Variants in EEF1E1 observed in about 807,000 individuals in gnomAD.
The protein encoded by EEF1E1 is eukaryotic translation elongation factor 1 epsilon-1.
EEF1E1 carries 19 observed loss-of-function variants against 19.9 expected under a neutral mutation model. That is an observed-to-expected ratio of 0.95 (90% CI 0.66 to 1.40). The LOEUF (loss-of-function observed/expected upper bound fraction) is 1.40, where lower values mean the gene tolerates loss of function less well. Ranked by LOEUF, EEF1E1 falls within the 40% of genes most tolerant of loss-of-function variation. The probability of loss-of-function intolerance (pLI) is 0.00; values close to 1 mark genes in which losing one functional copy is unlikely to be tolerated. For missense variants in EEF1E1, 198 were observed against 202.2 expected (o/e 0.98, Z 0.13); for synonymous variants, 81 against 80.0 (o/e 1.01, Z -0.07).
chr6:8,087,997 G>A (rs887512604), intron 3 of EEF1E1, among the ~76,000 whole-genome samples: 1 of 152,186 alleles, frequency 6.6e-6, no homozygotes, highest in Non-Finnish European at 1.5e-5. Flanking sequence ...GGGCCAAAGT[G>A]TCTGGTTTCT....
downstream of EEF1E1, among the ~76,000 whole-genome samples, chr6:8,078,078 G>C (rs1757640343): frequency 6.6e-6 from 1 of 152,188 alleles, no homozygotes; most frequent in Admixed American, 6.5e-5. Flanking sequence ...CACCCAGCCA[G>C]CACTTTTAAT....
At chr6:8,095,929 C>T (rs1327568243) in intron 2 of EEF1E1, among the ~76,000 whole-genome samples, 1 of 152,184 alleles carries the variant, frequency 6.6e-6, no homozygotes, top group Non-Finnish European at 1.5e-5. Context: ...TAATGCACCA[C>T]CAGCCCTTAG....
rs3031799 is a variant in EEF1E1, at chr6:8,099,791, C to CAAAAA, written c.88-2329_88-2325dup. Among the ~76,000 whole-genome samples the CAAAAA allele has an allele frequency of 3.7e-4, 43 of 114,682 alleles. 3 individuals are homozygous for CAAAAA. Among genetic ancestry groups the CAAAAA allele is most frequent in the African/African-American group, 4.3e-4 (13 of 30,144 alleles). 75.2% of individuals were successfully genotyped at this position (114,682 alleles called of 152,430 possible). On this transcript the variant is annotated intron_variant, in intron 1 of 3. Transcript: ENST00000379715. ...ACACACACACACACACACACACACA[C>CAAAAA]AAAAAAAAAACAGAACCCTCTATAA...
chr6:8,083,734 G>A (rs926079937), intron 3 of EEF1E1, among the ~76,000 whole-genome samples: 3 of 152,180 alleles, frequency 2.0e-5, no homozygotes, highest in South Asian at 2.1e-4. Context: ...TACATATTCC[G>A]TATTGAATAA....
At position 8,102,418 on chromosome 6, in the gene EEF1E1, C is replaced by A; in HGVS notation, c.87+17G>T. On this transcript the variant is annotated intron_variant, in intron 1 of 3. Transcript: ENST00000379715. ...TCCCGTCCACCTCTTCCCCTCCGCG[C>A]CGCCTCTCCTTCTCACCTGTCGCTC... The A allele has an allele frequency of 6.2e-7, 1 of 1,607,200 alleles. No homozygotes were observed. The highest frequency in any genetic ancestry group is 8.5e-7 in the Non-Finnish European group (1 of 1,177,904).
At chr6:8,100,196 G>T (rs1452915738) in intron 1 of EEF1E1, among the ~76,000 whole-genome samples, 1 of 152,162 alleles carries the variant, frequency 6.6e-6, no homozygotes, top group Non-Finnish European at 1.5e-5. Context: ...ACTGTAATTT[G>T]GGGTTTACCT....
rs577827919 is a variant in EEF1E1, at chr6:8,100,767, C to A, written c.87+1668G>T. ...TCTCTAATAAATCTGCTTTTCTTTA[C>A]GTACAGCTGTCCTGGTAAATTCTTA... is the stretch of plus-strand genomic sequence containing the variant. On this transcript the variant is annotated intron_variant, in intron 1 of 3. Transcript: ENST00000379715. Among the ~76,000 whole-genome samples the A allele has an allele frequency of 1.3e-5, 2 of 151,830 alleles. 1 individual carries two copies. Among genetic ancestry groups the A allele is most frequent in the African/African-American group, 4.8e-5 (2 of 41,362 alleles).
chr6:8,095,227 G>A (rs1483586725), intron 2 of EEF1E1, among the ~76,000 whole-genome samples: 2 of 152,170 alleles, frequency 1.3e-5, no homozygotes, highest in Non-Finnish European at 2.9e-5. Flanking sequence ...CTGGCCAGGC[G>A]AGGTGACTCA....
intron 2 of EEF1E1, among the ~76,000 whole-genome samples, chr6:8,091,675 C>T (rs1477625676): frequency 6.6e-6 from 1 of 152,178 alleles, no homozygotes; most frequent in Non-Finnish European, 1.5e-5. Context: ...CAGGAATTTA[C>T]ATTGAATTAT....
chr6:8,079,931 C>A lies in EEF1E1; in HGVS notation c.484G>T (p.Val162Phe). 1 of 1,613,130 alleles carries A rather than the reference C, an allele frequency of 6.2e-7. No homozygotes were observed. The highest frequency in any genetic ancestry group is 1.1e-5 in the South Asian group (1 of 91,038). ...YPGIRQHLSS[V>F]VFIKNRLYTN... ...TATAGTCTGTTCTTGATGAAGACAACACTAGACAGATGTTGCCTGATGCCT... is the reference window on the plus strand; with the variant it reads ...TATAGTCTGTTCTTGATGAAGACAAAACTAGACAGATGTTGCCTGATGCCT... Residue 162 changes from valine (V) to phenylalanine (F), a missense_variant, in exon 4 of 4, where the codon GTT (valine) becomes TTT (phenylalanine). Coordinates refer to ENST00000379715, the MANE Select transcript of EEF1E1 (RefSeq NM_004280.5).
intron 1 of EEF1E1, 30 bp from the exon 2 acceptor site, chr6:8,097,497 T>C (rs1758207074): frequency 1.3e-6 from 2 of 1,578,360 alleles, no homozygotes; most frequent in African/African-American, 2.7e-5. Flanking sequence ...TCACAGAATT[T>C]AAAAAACAAG....
downstream of EEF1E1, chr6:8,078,733 T>C: frequency 3.9e-6 from 5 of 1,285,552 alleles, no homozygotes; most frequent in South Asian, 6.2e-5. Context: ...AAAACAATCA[T>C]GATTTGCCTG....
intron 3 of EEF1E1, chr6:8,089,954 T>C (rs1030762741): frequency 3.8e-5 from 15 of 393,848 alleles, no homozygotes; most frequent in Non-Finnish European, 6.3e-5. Flanking sequence ...AATGCAAATC[T>C]GATTTAAATT....
chr6:8,082,891 T>G (rs564666892), intron 3 of EEF1E1, among the ~76,000 whole-genome samples: 2 of 152,318 alleles, frequency 1.3e-5, no homozygotes, highest in East Asian at 3.9e-4. Flanking sequence ...CTCACCAAAT[T>G]TACAGATTTT....
At chr6:8,076,786 A>C (rs1361245870), downstream of EEF1E1, among the ~76,000 whole-genome samples, 1 of 152,162 alleles carries the variant, frequency 6.6e-6, no homozygotes, top group Non-Finnish European at 1.5e-5. Context: ...GTCATTGAGC[A>C]GTAATATTTT....
rs1758393511 is a variant in EEF1E1, at chr6:8,102,441, C to T, written c.81G>A (p.Glu27=). 22 of 1,611,024 alleles carry T rather than the reference C, an allele frequency of 1.4e-5. No individual in the cohort carries two copies. The highest frequency in any genetic ancestry group is 1.9e-5 in the Non-Finnish European group (22 of 1,179,348). ...SKGNKYSAQG[E]RQIPVLQTNN... is the part of the protein sequence containing the mutation. Reference sequence around the variant, plus strand: ...CGCCGCCTCTCCTTCTCACCTGTCGCTCGCCCTGAGCACTGTATTTATTCC... The same window carrying T: ...CGCCGCCTCTCCTTCTCACCTGTCGTTCGCCCTGAGCACTGTATTTATTCC... Residue 27 remains glutamate, a synonymous_variant, in exon 1 of 4, where the codon GAG becomes GAA. Transcript: ENST00000379715.
Position 8,091,404 on chromosome 6 carries a change from C to T in EEF1E1, c.289-1123G>A, listed in dbSNP as rs79924320. On this transcript the variant is annotated intron_variant, in intron 2 of 3. Transcript: ENST00000379715. The stretch of plus-strand genomic sequence containing the variant: ...GATATTGGGTTTGTTTGTTGCTGAG[C>T]TGTAGGAGTTCTTCACATATTCTGA... 1.8e-3 allele frequency among the ~76,000 whole-genome samples: 272 copies of T among 152,294 alleles called. 3 individuals are homozygous for T. Among genetic ancestry groups the T allele is most frequent in the African/African-American group, 6.3e-3 (261 of 41,564 alleles).
chr6:8,075,565 T>G (rs191634422), downstream of EEF1E1, among the ~76,000 whole-genome samples: 277 of 152,300 alleles, frequency 1.8e-3, 3 homozygotes, highest in African/African-American at 6.4e-3. Context: ...AAAAAAAATT[T>G]TATTGCTAAA....
At chr6:8,098,067 T>C (rs534092767) in intron 1 of EEF1E1, among the ~76,000 whole-genome samples, 2 of 144,428 alleles carry the variant, frequency 1.4e-5, no homozygotes, top group South Asian at 2.2e-4. Context: ...GAAAAAAGAA[T>C]TGTTTTTTTG....
Sources: gnomAD v4.1 joint callset for allele counts (sites outside exome capture counted in the v4.1 genomes callset) on GRCh38, gnomAD v4.1.1 for gene constraint, MANE v1.5 for transcripts, NCBI Gene and HGNC (gene_info 2026-07-23, HGNC 2026-07-21) for gene names.